CASC3: variants seen among roughly 807,000 people sequenced by gnomAD.
The protein encoded by CASC3 is protein CASC3.
Under a neutral mutation model 80.5 loss-of-function variants are expected in CASC3, and 30 were observed. That is an observed-to-expected ratio of 0.37 (90% CI 0.28 to 0.51). CASC3 has a LOEUF of 0.51. CASC3 is among the 20% of genes least tolerant of loss of function. The pLI is 0.94. For synonymous variants in CASC3, 312 were observed against 333.6 expected, an observed-to-expected ratio of 0.94 and a Z score of 0.70; for missense variants, 824 against 922.2, an observed-to-expected ratio of 0.89 and a Z score of 1.38.
intron 3 of CASC3, among the ~76,000 whole-genome samples, chr17:40,143,086 C>CAA (rs59510595): frequency 1.8e-5 from 2 of 109,180 alleles, no homozygotes; most frequent in Non-Finnish European, 4.0e-5. Flanking sequence ...GACTCTGTCT[C>CAA]AAAAAAAAAA....
intron 7 of CASC3, among the ~76,000 whole-genome samples, chr17:40,165,170 A>G (rs984254484): frequency 1.3e-5 from 2 of 150,328 alleles, no homozygotes; most frequent in African/African-American, 2.5e-5. Context: ...TGATCCGCCC[A>G]CCTTGGCCTC....
At chr17:40,152,508 G>A (rs1405024282) in intron 3 of CASC3, among the ~76,000 whole-genome samples, 1 of 151,716 alleles carries the variant, frequency 6.6e-6, no homozygotes, top group Non-Finnish European at 1.5e-5. Context: ...TTTAGTAGAG[G>A]TGGAGTTTCT....
intron 3 of CASC3, among the ~76,000 whole-genome samples, chr17:40,142,636 C>T (rs1185684635): frequency 6.6e-6 from 1 of 152,152 alleles, no homozygotes; most frequent in Non-Finnish European, 1.5e-5. Flanking sequence ...CGCCTATAAT[C>T]CCAGCACTTT....
intron 3 of CASC3, 81 bp from the exon 4 acceptor site, chr17:40,161,672 T>G: frequency 8.1e-7 from 1 of 1,232,576 alleles, no homozygotes; most frequent in Non-Finnish European, 1.2e-6. Context: ...GAGACTTTGT[T>G]TTGGGGTTGG....
intron 2 of CASC3, 57 bp downstream of exon 2, chr17:40,141,291 T>TCATCTATTTC (rs113161637): frequency 0.026 from 39,009 of 1,479,692 alleles, 1,426 homozygotes; most frequent in African/African-American, 0.16. Flanking sequence ...TAAACTCAGG[T>TCATCTATTTC]CATCTATTTC....
chr17:40,164,324 C>T (rs563783189), intron 7 of CASC3, among the ~76,000 whole-genome samples, 158 bp downstream of exon 7: 5 of 151,872 alleles, frequency 3.3e-5, no homozygotes, highest in East Asian at 1.9e-4. Flanking sequence ...AGTGCAGTGG[C>T]GCGATTTTGG....
At chr17:40,154,145 G>A (rs1016181105) in intron 3 of CASC3, among the ~76,000 whole-genome samples, 3 of 81,438 alleles carry the variant, frequency 3.7e-5, no homozygotes, top group Non-Finnish European at 6.9e-5. Flanking sequence ...TTGGCCATTT[G>A]TGTATCTTCC....
In CASC3 at chr17:40,171,285, G is replaced by C. The variant is rs1989587036; in HGVS notation, c.*880G>C. The C allele has an allele frequency of 2.0e-6, 2 of 985,954 alleles. No homozygotes were observed. Among genetic ancestry groups the C allele is most frequent in the South Asian group, 4.7e-5 (1 of 21,290 alleles). The allele number at this position is 985,954 out of a possible 1,614,324, so 61.1% of individuals were successfully genotyped here. ...TTGTGAGAAAGGGATGGTGGAGTGA[G>C]AGCCTTTGCCTTTAGGGGTGTGTAT... On this transcript the variant is annotated 3_prime_UTR_variant, in exon 14 of 14. Transcript: ENST00000264645.
Position 40,170,977 on chromosome 17 carries a change from C to T in CASC3, c.*572C>T, listed in dbSNP as rs1989579343. 1 of 985,496 alleles carries T rather than the reference C, an allele frequency of 1.0e-6. No individual in the cohort carries two copies. Among genetic ancestry groups the T allele is most frequent in the Non-Finnish European group, 1.2e-6 (1 of 829,942 alleles). 61.0% of individuals were successfully genotyped at this position (985,496 alleles called of 1,614,324 possible). A position where few individuals can be genotyped will look rare whatever the true frequency, so the allele number is the denominator to read the frequency against. ...GATAATGGAGAATGTATCAGCCAGCCTTCCCCACCAAGTCTAAAAAGACCT... is the reference window on the plus strand; with the variant it reads ...GATAATGGAGAATGTATCAGCCAGCTTTCCCCACCAAGTCTAAAAAGACCT... On this transcript the variant is annotated 3_prime_UTR_variant, in exon 14 of 14. Coordinates refer to ENST00000264645, the MANE Select transcript of CASC3 (RefSeq NM_007359.5).
At chr17:40,152,241 A>C (rs1341079758) in intron 3 of CASC3, among the ~76,000 whole-genome samples, 1 of 152,158 alleles carries the variant, frequency 6.6e-6, no homozygotes, top group Non-Finnish European at 1.5e-5. Flanking sequence ...GGGCTTAAGC[A>C]ATCCTCCCAC....
intron 3 of CASC3, among the ~76,000 whole-genome samples, chr17:40,145,821 G>A (rs1244748047): frequency 6.6e-6 from 1 of 151,702 alleles, no homozygotes; most frequent in African/African-American, 2.4e-5. Context: ...AGTAGAGATG[G>A]GGTTTCACCA....
At chr17:40,142,168 G>A (rs1169626078) in intron 3 of CASC3, among the ~76,000 whole-genome samples, 4 of 152,162 alleles carry the variant, frequency 2.6e-5, no homozygotes, top group African/African-American at 4.8e-5. Context: ...TATATAGGGG[G>A]AATTGGATGG....
At chr17:40,153,137 A>G (rs144401266) in intron 3 of CASC3, among the ~76,000 whole-genome samples, 49 of 152,242 alleles carry the variant, frequency 3.2e-4, no homozygotes, top group Non-Finnish European at 4.9e-4. Flanking sequence ...TTATAACTGA[A>G]GTTTTATATC....
chr17:40,170,395 A>G, intron 13 of CASC3, 52 bp from the exon 14 acceptor site: 1 of 983,264 alleles, frequency 1.0e-6, no homozygotes, highest in Non-Finnish European at 1.2e-6. Flanking sequence ...GTGAATGCCC[A>G]GAAGGCCCAC....
chr17:40,149,891 C>T (rs1016910464), intron 3 of CASC3, among the ~76,000 whole-genome samples: 5 of 149,938 alleles, frequency 3.3e-5, no homozygotes, highest in Non-Finnish European at 5.9e-5. Flanking sequence ...TGAGCCTGGG[C>T]GACAGAGCGA....
intron 3 of CASC3, among the ~76,000 whole-genome samples, chr17:40,155,056 A>T (rs991821917): frequency 1.3e-5 from 2 of 151,260 alleles, no homozygotes; most frequent in African/African-American, 4.9e-5. Flanking sequence ...CGCCCAGCTG[A>T]TTTTTTGTAT....
In CASC3 at chr17:40,153,864, A is replaced by C. The variant is rs1028181120; in HGVS notation, c.298-7889A>C. Among the ~76,000 whole-genome samples, 4 of 152,026 alleles carry C rather than the reference A, an allele frequency of 2.6e-5. No homozygotes were observed. The East Asian group carries it at 7.7e-4, about 29-fold the overall frequency. On this transcript the variant is annotated intron_variant, in intron 3 of 13. Transcript: ENST00000264645. ...CGAGTCAGACGGATCACTTGAGATC[A>C]GGAGTTCCAGACCAGCCTTGCTAAC... is the stretch of plus-strand genomic sequence containing the variant.
chr17:40,159,711 ATTTTT>A (rs71152647), intron 3 of CASC3, among the ~76,000 whole-genome samples: 1,644 of 93,122 alleles, frequency 0.018, 14 homozygotes, highest in Middle Eastern at 0.03. Context: ...TTCCTGGCGA[ATTTTT>A]TTTTTTTTTT....
At chr17:40,145,639 T>A (rs905099484) in intron 3 of CASC3, among the ~76,000 whole-genome samples, 2 of 151,970 alleles carry the variant, frequency 1.3e-5, no homozygotes, top group African/African-American at 2.4e-5. Context: ...GAGGATTGCT[T>A]GAGCCTGGGA....
Sources: allele counts gnomAD v4.1 joint callset (sites outside exome capture counted in the v4.1 genomes callset), GRCh38; gene constraint gnomAD v4.1.1; transcripts MANE v1.5; gene names NCBI Gene and HGNC (gene_info 2026-07-23, HGNC 2026-07-21).